Variants in TXN observed in about 807,000 individuals in gnomAD.
TXN encodes thioredoxin.
In TXN, 10 loss-of-function variants were observed where a neutral mutation model predicts 16.5. That is an observed-to-expected ratio of 0.61 (90% CI 0.37 to 1.03). The LOEUF is 1.03. TXN is among the 50% of genes least tolerant of loss of function. The pLI, the probability that TXN is intolerant of heterozygous loss-of-function variation, is 0.01. For synonymous variants in TXN, 35 were observed against 39.4 expected, an observed-to-expected ratio of 0.89 and a Z score of 0.42; for missense variants, 71 against 122.5, an observed-to-expected ratio of 0.58 and a Z score of 1.98.
At chr9:110,251,226 A>T in intron 2 of TXN, 132 bp downstream of exon 2, 2 of 718,550 alleles carry the variant, frequency 2.8e-6, no homozygotes, top group Non-Finnish European at 5.0e-6. Context: ...TACTACTTTT[A>T]GACCAAAGAT....
At chr9:110,251,319 C>A (rs1263974719) in intron 2 of TXN, 39 bp downstream of exon 2, 1 of 1,503,838 alleles carries the variant, frequency 6.6e-7, no homozygotes, top group African/African-American at 1.4e-5. Flanking sequence ...ACTCAAAAAA[C>A]ACAAATCTCT....
At chr9:110,253,006 T>C (rs1311044169) in intron 1 of TXN, among the ~76,000 whole-genome samples, 1 of 151,918 alleles carries the variant, frequency 6.6e-6, no homozygotes, top group Non-Finnish European at 1.5e-5. Context: ...AACATCTGTA[T>C]CTGAAATCTA....
rs1837756747 is a variant in TXN, at chr9:110,252,713, C to T, written c.25-1251G>A. Among the ~76,000 whole-genome samples, 3 of 149,324 alleles carry T rather than the reference C, an allele frequency of 2.0e-5. No individual in the cohort carries two copies. In the South Asian group the frequency reaches 6.3e-4, roughly 31 times the overall value. ...AGGCTGGAGTGCAAAGGCCTGATCT[C>T]GGCTCACAGTAACCTTTGCCTCCGG... On this transcript the variant is annotated intron_variant, in intron 1 of 4. Coordinates refer to ENST00000374517, the MANE Select transcript of TXN (RefSeq NM_003329.4).
chr9:110,247,399 C>T (rs10980285), intron 3 of TXN, among the ~76,000 whole-genome samples: 12 of 151,714 alleles, frequency 7.9e-5, no homozygotes, highest in Admixed American at 2.6e-4. Flanking sequence ...CTCTGTCATA[C>T]GGAAGTCCTC....
intron 1 of TXN, among the ~76,000 whole-genome samples, chr9:110,254,755 T>C (rs138785420): frequency 6.6e-6 from 1 of 152,284 alleles, no homozygotes; most frequent in East Asian, 1.9e-4. Flanking sequence ...GAAATCCTAA[T>C]CAACTTTGTT....
chr9:110,248,136 TAAAAA>T lies in TXN; in HGVS notation c.189+2679_189+2683del, dbSNP rs556085548. On this transcript the variant is annotated intron_variant, in intron 3 of 4. Transcript: ENST00000374517. ...AGTGTTATTACAAGAGTTAAAGAGT[TAAAAA>T]AATAAAAAAACTATAAAGTAAAAAA... is the stretch of plus-strand genomic sequence containing the variant. Among the ~76,000 whole-genome samples, 32 of 152,030 alleles carry T rather than the reference TAAAAA, an allele frequency of 2.1e-4. No homozygotes were observed. In the South Asian group the frequency reaches 5.2e-3, roughly 25 times the overall value.
chr9:110,245,618 C>CTATATATATATA (rs1170640168), intron 3 of TXN, among the ~76,000 whole-genome samples: 49 of 30,884 alleles, frequency 1.6e-3, no homozygotes, highest in Non-Finnish European at 2.1e-3. Flanking sequence ...CACACACACA[C>CTATATATATATA]TATATATATA....
At chr9:110,245,655 T>TATATATATATATATA (rs1491112333) in intron 3 of TXN, among the ~76,000 whole-genome samples, 4 of 13,162 alleles carry the variant, frequency 3.0e-4, no homozygotes, top group African/African-American at 5.1e-4. Context: ...TATATATATA[T>TATATATATATATATA]TTTTTTTTTT....
At chr9:110,250,743 G>T in intron 3 of TXN, 77 bp downstream of exon 3, 2 of 1,132,688 alleles carry the variant, frequency 1.8e-6, no homozygotes, top group Non-Finnish European at 2.6e-6. Flanking sequence ...CATATTTATG[G>T]AAAAAAGCAC....
Position 110,256,063 on chromosome 9 carries a change from G to A in TXN, c.24+349C>T, listed in dbSNP as rs542444508. 5.3e-5 allele frequency among the ~76,000 whole-genome samples: 8 copies of A among 152,300 alleles called. No homozygotes were observed. The South Asian group carries it at 1.7e-3, about 32-fold the overall frequency. ...CGGGAGGGTGCAGGAGGCGCAGCGT[G>A]GGGACTCCTCACGCTGTCTGCGCTC... is the stretch of plus-strand genomic sequence containing the variant. On this transcript the variant is annotated intron_variant, in intron 1 of 4. Transcript: ENST00000374517. The surrounding 1 kb of genome is among the most constrained non-coding windows in gnomAD (Gnocchi z 4.2).
chr9:110,250,732 A>T, intron 3 of TXN, 88 bp downstream of exon 3: 1 of 1,034,434 alleles, frequency 9.7e-7, no homozygotes, highest in Non-Finnish European at 1.5e-6. Context: ...GAATTATTTG[A>T]CATATTTATG....
In TXN at chr9:110,256,217, C is replaced by G. The variant is rs1837807676; in HGVS notation, c.24+195G>C. ...CTCCTCCCTTCCTCCAGGGCAGGCT[C>G]CACCGCCTCGGGCGCGCCCAGGCCG... On this transcript the variant is annotated intron_variant, in intron 1 of 4. Coordinates refer to ENST00000374517, the MANE Select transcript of TXN (RefSeq NM_003329.4). This position sits in a 1 kb window ranked among gnomAD's most constrained non-coding sequence, Gnocchi z 4.2. 6.6e-6 allele frequency among the ~76,000 whole-genome samples: 1 copy of G among 152,104 alleles called. No homozygotes were observed.
intron 4 of TXN, 39 bp downstream of exon 4, chr9:110,244,739 T>C (rs897474686): frequency 5.9e-6 from 9 of 1,525,594 alleles, no homozygotes; most frequent in Middle Eastern, 1.7e-4. Context: ...CTGGGTTTCC[T>C]ATTGCCCAGT....
intron 3 of TXN, among the ~76,000 whole-genome samples, chr9:110,248,708 T>G (rs1255585850): frequency 6.6e-6 from 1 of 152,180 alleles, no homozygotes; most frequent in Admixed American, 6.5e-5. Flanking sequence ...TGTGCTGCAG[T>G]GCCATTACCT....
In TXN at chr9:110,256,229, G is replaced by T. The variant is rs570743332; in HGVS notation, c.24+183C>A. The stretch of plus-strand genomic sequence containing the variant: ...TCCAGGGCAGGCTCCACCGCCTCGG[G>T]CGCGCCCAGGCCGCTGCTTCCCGCA... On this transcript the variant is annotated intron_variant, in intron 1 of 4. Transcript: ENST00000374517. This position sits in a 1 kb window ranked among gnomAD's most constrained non-coding sequence, Gnocchi z 4.2. Among the ~76,000 whole-genome samples, 116 of 152,144 alleles carry T rather than the reference G, an allele frequency of 7.6e-4. No individual in the cohort carries two copies. Among genetic ancestry groups the T allele is most frequent in the African/African-American group, 2.7e-3 (112 of 41,546 alleles).
intron 1 of TXN, among the ~76,000 whole-genome samples, chr9:110,252,221 C>T (rs1344267424): frequency 7.2e-5 from 3 of 41,664 alleles, no homozygotes; most frequent in East Asian, 0.023. Context: ...GAGACTCTGT[C>T]GCAAAAAAAA....
chr9:110,244,702 A>C, intron 4 of TXN, 76 bp downstream of exon 4: 1 of 1,288,544 alleles, frequency 7.8e-7, no homozygotes, highest in Non-Finnish European at 1.1e-6. Context: ...TAAAGGGAAC[A>C]TCACTCCAGT....
At chr9:110,245,654 A>ATATTTTT (rs1232332404) in intron 3 of TXN, among the ~76,000 whole-genome samples, 4 of 21,784 alleles carry the variant, frequency 1.8e-4, no homozygotes, top group African/African-American at 5.9e-4. Context: ...ATATATATAT[A>ATATTTTT]TTTTTTTTTT....
intron 3 of TXN, among the ~76,000 whole-genome samples, chr9:110,248,538 A>G (rs984094089): frequency 1.3e-5 from 2 of 152,190 alleles, no homozygotes; most frequent in Non-Finnish European, 2.9e-5. Flanking sequence ...TAGGTTGTGT[A>G]AGTACACTCT....
Sources: allele counts gnomAD v4.1 joint callset (sites outside exome capture counted in the v4.1 genomes callset), GRCh38; gene constraint gnomAD v4.1.1; non-coding constraint Gnocchi (gnomAD v3.1); transcripts MANE v1.5; gene names NCBI Gene and HGNC (gene_info 2026-07-23, HGNC 2026-07-21).